ARL13B: variants seen among roughly 807,000 people sequenced by gnomAD.
ARL13B encodes the protein ADP-ribosylation factor-like protein 13B.
In ARL13B, 36 loss-of-function variants were observed where a neutral mutation model predicts 56.1. The ratio of observed to expected loss-of-function variants is 0.64; its 90% CI spans 0.49 to 0.85. ARL13B has a LOEUF of 0.85. ARL13B is among the 40% of genes least tolerant of loss of function. The pLI, the probability that ARL13B is intolerant of heterozygous loss-of-function variation, is 0.00. For missense variants in ARL13B, 519 were observed against 507.1 expected (o/e 1.02, Z -0.23); for synonymous variants, 178 against 171.1 (o/e 1.04, Z -0.32).
intron 3 of ARL13B, among the ~76,000 whole-genome samples, chr3:94,026,527 A>G (rs900994760): frequency 2.0e-5 from 3 of 152,222 alleles, no homozygotes; most frequent in African/African-American, 7.2e-5. Flanking sequence ...AACTATATGT[A>G]TAACTATCCA....
At chr3:94,031,432 G>A (rs960763046) in intron 3 of ARL13B, among the ~76,000 whole-genome samples, 22 of 152,060 alleles carry the variant, frequency 1.4e-4, no homozygotes, top group Non-Finnish European at 4.4e-5. Context: ...AAGGCTTCTT[G>A]GGGAAATGGA....
intron 1 of ARL13B, among the ~76,000 whole-genome samples, chr3:93,983,445 C>T (rs756541089): frequency 6.6e-6 from 1 of 152,108 alleles, no homozygotes; most frequent in Non-Finnish European, 1.5e-5. Context: ...GAAATAAACT[C>T]TTGAAATTTT....
At chr3:94,020,872 C>G (rs2076432873) in intron 3 of ARL13B, among the ~76,000 whole-genome samples, 1 of 152,054 alleles carries the variant, frequency 6.6e-6, no homozygotes, top group Non-Finnish European at 1.5e-5. Flanking sequence ...TAAAAAAGTT[C>G]AGTCAGTACA....
chr3:93,988,244 A>G, intron 1 of ARL13B, among the ~76,000 whole-genome samples: 1 of 152,144 alleles, frequency 6.6e-6, no homozygotes, highest in East Asian at 1.9e-4. Context: ...CTGTGAAAAA[A>G]AAAAAAAAAC....
intron 3 of ARL13B, among the ~76,000 whole-genome samples, chr3:94,023,411 G>A (rs1405825108): frequency 5.3e-5 from 8 of 151,644 alleles, no homozygotes; most frequent in African/African-American, 1.9e-4. Context: ...ATGTGATCTG[G>A]GGTAGGTCTT....
chr3:94,021,504 A>G (rs2107004323), intron 3 of ARL13B, among the ~76,000 whole-genome samples: 1 of 152,224 alleles, frequency 6.6e-6, no homozygotes, highest in East Asian at 1.9e-4. Context: ...CAAATATTGT[A>G]TAAAATATTT....
intron 5 of ARL13B, among the ~76,000 whole-genome samples, chr3:94,039,189 G>T (rs2076820091): frequency 6.6e-6 from 1 of 152,100 alleles, no homozygotes; most frequent in African/African-American, 2.4e-5. Flanking sequence ...TAGCCCTTAA[G>T]AAAAGAATTA....
At chr3:94,009,975 A>T (rs1352560274) in intron 3 of ARL13B, among the ~76,000 whole-genome samples, 1 of 152,102 alleles carries the variant, frequency 6.6e-6, no homozygotes, top group Non-Finnish European at 1.5e-5. Context: ...TGGCAGTGTT[A>T]CTACGTAGCA....
chr3:93,996,087 C>T (rs922389124), intron 2 of ARL13B, 143 bp downstream of exon 2: 1 of 872,858 alleles, frequency 1.1e-6, no homozygotes, highest in East Asian at 2.7e-5. Context: ...ATTTGTGACT[C>T]TTGTGGCGAA....
intron 3 of ARL13B, among the ~76,000 whole-genome samples, chr3:94,019,694 G>C (rs1272770865): frequency 6.6e-6 from 1 of 151,168 alleles, no homozygotes; most frequent in Non-Finnish European, 1.5e-5. Context: ...TTATCTCTTA[G>C]AGGAAAAACT....
intron 1 of ARL13B, among the ~76,000 whole-genome samples, chr3:93,986,286 A>G (rs1710457075): frequency 6.6e-6 from 1 of 152,224 alleles, no homozygotes; most frequent in Non-Finnish European, 1.5e-5. Context: ...TATAAACCCA[A>G]GCTTGGCCTT....
intron 3 of ARL13B, chr3:94,015,063 T>A (rs1239038987): frequency 6.2e-7 from 1 of 1,614,032 alleles, no homozygotes; most frequent in Non-Finnish European, 8.5e-7. Flanking sequence ...GCCCAAATTT[T>A]TGAACATTAT....
At chr3:94,027,452 T>C (rs765287803) in intron 3 of ARL13B, among the ~76,000 whole-genome samples, 1 of 152,124 alleles carries the variant, frequency 6.6e-6, no homozygotes, top group Non-Finnish European at 1.5e-5. Context: ...TTTGTTTAAA[T>C]ATGATGTATA....
At chr3:94,003,964 A>G (rs1281829447) in intron 3 of ARL13B, 56 bp downstream of exon 3, 2 of 1,608,538 alleles carry the variant, frequency 1.2e-6, no homozygotes, top group East Asian at 4.5e-5. Flanking sequence ...GCCACTAAAG[A>G]AATTTACCTG....
At chr3:93,992,682 G>A (rs1375261539) in intron 1 of ARL13B, among the ~76,000 whole-genome samples, 1 of 152,148 alleles carries the variant, frequency 6.6e-6, no homozygotes, top group East Asian at 1.9e-4. Flanking sequence ...ATCTTGAAAT[G>A]CATTGTATAC....
At chr3:94,011,485 G>C (rs2076224037) in intron 3 of ARL13B, among the ~76,000 whole-genome samples, 1 of 152,052 alleles carries the variant, frequency 6.6e-6, no homozygotes, top group Non-Finnish European at 1.5e-5. Flanking sequence ...AGTTCTTTAA[G>C]GAAATAGAAA....
chr3:94,009,115 AGATAGAT>A (rs1458199295), intron 3 of ARL13B, among the ~76,000 whole-genome samples: 6 of 151,934 alleles, frequency 3.9e-5, no homozygotes, highest in African/African-American at 1.5e-4. Flanking sequence ...ATAGATAGAT[AGATAGAT>A]ATTCTTGACC....
chr3:93,982,214 C>G (rs1341881700), intron 1 of ARL13B, among the ~76,000 whole-genome samples: 1 of 152,082 alleles, frequency 6.6e-6, no homozygotes, highest in African/African-American at 2.4e-5. Context: ...GAGAAGAGTT[C>G]AGAGAAAGGA....
chr3:93,980,726 A>AGTGTGTGTGT (rs35756044), intron 1 of ARL13B, among the ~76,000 whole-genome samples: 48 of 147,066 alleles, frequency 3.3e-4, no homozygotes, highest in African/African-American at 1.0e-3. Flanking sequence ...TTTGTTAAAA[A>AGTGTGTGTGT]GTGTGTGTGT....
Sources: allele counts gnomAD v4.1 joint callset (sites outside exome capture counted in the v4.1 genomes callset), GRCh38; gene constraint gnomAD v4.1.1; transcripts MANE v1.5; gene names NCBI Gene and HGNC (gene_info 2026-07-23, HGNC 2026-07-21).